PLCB4: variants seen among roughly 807,000 people sequenced by gnomAD.
PLCB4 encodes the protein phospholipase C beta 4.
In PLCB4, 77 loss-of-function variants were observed where a neutral mutation model predicts 178.8. That is an observed-to-expected ratio of 0.43 (90% confidence interval 0.36 to 0.52). The LOEUF (loss-of-function observed/expected upper bound fraction) is 0.52. PLCB4 is among the 20% of genes least tolerant of loss of function. The pLI, the probability that PLCB4 is intolerant of heterozygous loss-of-function variation, is 0.00. For synonymous variants in PLCB4, 496 were observed against 490.8 expected (o/e 1.01, Z -0.14); for missense variants, 1,024 against 1,453.4 (o/e 0.70, Z 4.80).
chr20:9,185,310 GT>G (rs11481220), intron 2 of PLCB4, among the ~76,000 whole-genome samples: 47 of 149,884 alleles, frequency 3.1e-4, no homozygotes, highest in Admixed American at 4.7e-4. Flanking sequence ...ATTTTCTATA[GT>G]TTTTTTTTTA....
intron 3 of PLCB4, among the ~76,000 whole-genome samples, chr20:9,229,030 G>A (rs930452085): frequency 6.6e-6 from 1 of 152,198 alleles, no homozygotes; most frequent in Non-Finnish European, 1.5e-5. Context: ...CTCATCTGGT[G>A]CAAACAACAA....
chr20:9,270,833 A>C (rs8119188), intron 3 of PLCB4, among the ~76,000 whole-genome samples: 36,948 of 151,936 alleles, frequency 0.24, 4,862 homozygotes, highest in East Asian at 0.37. Flanking sequence ...CCAAAAAAAA[A>C]CAAATATTTT....
intron 3 of PLCB4, among the ~76,000 whole-genome samples, chr20:9,259,919 T>A (rs908394023): frequency 1.3e-5 from 2 of 152,142 alleles, no homozygotes; most frequent in Non-Finnish European, 2.9e-5. Flanking sequence ...ATTTTACCAT[T>A]TAAAATTGTT....
At chr20:9,303,681 C>T (rs1601720505) in intron 3 of PLCB4, among the ~76,000 whole-genome samples, 1 of 152,218 alleles carries the variant, frequency 6.6e-6, no homozygotes, top group East Asian at 1.9e-4. Context: ...CTACTGATTT[C>T]AGATCTTTCC....
chr20:9,344,268 C>T (rs1254397970), intron 7 of PLCB4, among the ~76,000 whole-genome samples: 1 of 152,198 alleles, frequency 6.6e-6, no homozygotes, highest in Non-Finnish European at 1.5e-5. Context: ...TTCTCCCCCA[C>T]AGCCCTCACG....
chr20:9,110,238 G>A lies in PLCB4; in HGVS notation c.-79+13896G>A, dbSNP rs1245742466. The stretch of plus-strand genomic sequence containing the variant: ...ACATATAATAAAAATTAAAGTTGAA[G>A]AAGAAATGCCAAAAATATATTTTTG... On this transcript the variant is annotated intron_variant, in intron 2 of 39. Coordinates refer to ENST00000378473, the MANE Select transcript of PLCB4 (RefSeq NM_001377142.1). Among the ~76,000 whole-genome samples, 5 of 151,874 alleles carry A rather than the reference G, an allele frequency of 3.3e-5. No individual in the cohort carries two copies. The East Asian group carries it at 9.7e-4, about 29-fold the overall frequency.
At chr20:9,466,084 G>A (rs139062811) in intron 35 of PLCB4, among the ~76,000 whole-genome samples, 24 of 152,246 alleles carry the variant, frequency 1.6e-4, no homozygotes, top group African/African-American at 5.1e-4. Flanking sequence ...TACGAAAACA[G>A]AGATATAGAC....
intron 3 of PLCB4, among the ~76,000 whole-genome samples, chr20:9,275,611 C>T (rs945735109): frequency 6.6e-6 from 1 of 152,012 alleles, no homozygotes; most frequent in Non-Finnish European, 1.5e-5. Context: ...CTGCCTCTAG[C>T]TCACGGCCAC....
chr20:9,343,099 A>G (rs1384768232), intron 7 of PLCB4, among the ~76,000 whole-genome samples: 1 of 152,160 alleles, frequency 6.6e-6, no homozygotes, highest in African/African-American at 2.4e-5. Context: ...TGTTTGTCTT[A>G]TAAACACCTG....
chr20:9,217,886 G>T (rs1178063346), intron 3 of PLCB4, among the ~76,000 whole-genome samples: 1 of 152,138 alleles, frequency 6.6e-6, no homozygotes, highest in Non-Finnish European at 1.5e-5. Flanking sequence ...CCTCCATTTT[G>T]GGGGAACTAC....
At chr20:9,477,058 C>T (rs1055622895) in intron 39 of PLCB4, among the ~76,000 whole-genome samples, 1 of 152,118 alleles carries the variant, frequency 6.6e-6, no homozygotes, top group Non-Finnish European at 1.5e-5. Flanking sequence ...TTGGACTGAC[C>T]AGAGCTAAGA....
chr20:9,264,186 T>A (rs746770074), intron 3 of PLCB4, among the ~76,000 whole-genome samples: 1 of 152,154 alleles, frequency 6.6e-6, no homozygotes, highest in Non-Finnish European at 1.5e-5. Flanking sequence ...CCATTAATAT[T>A]TCGGACTTTG....
chr20:9,230,300 TGG>T (rs1281806025), intron 3 of PLCB4, among the ~76,000 whole-genome samples: 5 of 152,080 alleles, frequency 3.3e-5, no homozygotes, highest in African/African-American at 1.2e-4. Flanking sequence ...CTGAGGTACT[TGG>T]GGGTTAAGGC....
chr20:9,301,793 C>T (rs73897354), intron 3 of PLCB4, among the ~76,000 whole-genome samples: 1,823 of 152,142 alleles, frequency 0.012, 25 homozygotes, highest in African/African-American at 0.036. Context: ...CTTTCTTGTC[C>T]CCCGCTTCCA....
chr20:9,457,577 A>G (rs1390531849), intron 34 of PLCB4, 88 bp downstream of exon 34: 2 of 760,534 alleles, frequency 2.6e-6, no homozygotes, highest in South Asian at 1.4e-5. Flanking sequence ...ATTAGAAATA[A>G]CAGTAGCCCA....
At chr20:9,388,448 GT>G (rs1369706264) in intron 15 of PLCB4, among the ~76,000 whole-genome samples, 9 of 152,302 alleles carry the variant, frequency 5.9e-5, no homozygotes, top group African/African-American at 2.2e-4. Context: ...GCTGGGCGTG[GT>G]GGCTCATGCC....
intron 35 of PLCB4, among the ~76,000 whole-genome samples, chr20:9,467,442 TAAATA>T (rs2043872275): frequency 1.3e-5 from 2 of 151,716 alleles, no homozygotes; most frequent in Non-Finnish European, 2.9e-5. Context: ...AATAAATAAA[TAAATA>T]AAATAAATCC....
chr20:9,364,609 T>C (rs1470710898), intron 8 of PLCB4, among the ~76,000 whole-genome samples: 2 of 152,220 alleles, frequency 1.3e-5, no homozygotes, highest in African/African-American at 2.4e-5. Flanking sequence ...ACCACAACTT[T>C]GTTTAACTCT....
intron 2 of PLCB4, among the ~76,000 whole-genome samples, chr20:9,101,360 G>C (rs1362693211): frequency 6.6e-6 from 1 of 152,114 alleles, no homozygotes; most frequent in Non-Finnish European, 1.5e-5. Flanking sequence ...GTGAACCTGA[G>C]TCTAAATCAT....
Sources: gnomAD v4.1 joint callset for allele counts (sites outside exome capture counted in the v4.1 genomes callset) on GRCh38, gnomAD v4.1.1 for gene constraint, MANE v1.5 for transcripts, NCBI Gene and HGNC (gene_info 2026-07-23, HGNC 2026-07-21) for gene names.